NUDCD3: variants seen among roughly 807,000 people sequenced by gnomAD.
NUDCD3 encodes NudC domain containing 3, also known as nudC domain-containing protein 3.
A neutral mutation model predicts 39.7 loss-of-function variants in NUDCD3; 13 were observed. That is an observed-to-expected ratio of 0.33 (90% CI 0.21 to 0.52). The LOEUF is 0.52. Ranked by LOEUF, NUDCD3 falls within the 20% of genes least tolerant of loss-of-function variation. NUDCD3 has a pLI of 0.96. For synonymous variants in NUDCD3, 175 were observed against 172.4 expected, an observed-to-expected ratio of 1.02 and a Z score of -0.12; for missense variants, 453 against 458.1, an observed-to-expected ratio of 0.99 and a Z score of 0.10.
intron 2 of NUDCD3, among the ~76,000 whole-genome samples, chr7:44,476,341 T>C (rs963913302): frequency 3.3e-5 from 5 of 152,196 alleles, no homozygotes; most frequent in Admixed American, 2.6e-4. Flanking sequence ...CCAAAATTCA[T>C]GTTAAAGACC....
intron 2 of NUDCD3, among the ~76,000 whole-genome samples, chr7:44,450,116 T>A (rs1799766087): frequency 6.6e-6 from 1 of 152,086 alleles, no homozygotes. Flanking sequence ...ACATTATTGC[T>A]TATTAGGGAA....
chr7:44,380,038 G>A lies in NUDCD3; in HGVS notation c.*5973C>T, dbSNP rs1294462290. ...GGCAGACAGCGTCCACCACTACCAG[G>A]TCCACCTGCTTTAGGTATACCTTCC... On this transcript the variant is annotated 3_prime_UTR_variant, in exon 6 of 6. Transcript: ENST00000355451. 1 of 152,250 alleles carries A rather than the reference G, an allele frequency of 6.6e-6. No homozygotes were observed. The highest frequency in any genetic ancestry group is 2.4e-5 in the African/African-American group (1 of 41,458). The allele number at this position is 152,250 out of a possible 1,614,324, so 9.4% of individuals were successfully genotyped here.
At chr7:44,410,742 G>A (rs746062343) in intron 3 of NUDCD3, among the ~76,000 whole-genome samples, 2 of 152,014 alleles carry the variant, frequency 1.3e-5, no homozygotes, top group African/African-American at 4.8e-5. Flanking sequence ...GCCGAGGCAG[G>A]CAGATCATGA....
intron 2 of NUDCD3, among the ~76,000 whole-genome samples, chr7:44,483,478 G>A (rs1800538117): frequency 6.6e-6 from 1 of 152,162 alleles, no homozygotes; most frequent in Admixed American, 6.5e-5. Context: ...AGATCTGCAA[G>A]GAAATATCAG....
chr7:44,464,213 CAAA>C (rs776316432), intron 2 of NUDCD3, among the ~76,000 whole-genome samples: 4 of 70,058 alleles, frequency 5.7e-5, no homozygotes. Context: ...GACCCCATCT[CAAA>C]AAAAAAAAAA....
chr7:44,464,701 G>A (rs1351745575), intron 2 of NUDCD3, among the ~76,000 whole-genome samples: 3 of 152,270 alleles, frequency 2.0e-5, no homozygotes, highest in South Asian at 2.1e-4. Flanking sequence ...TAATCTGCCC[G>A]CCTTGGCCTC....
chr7:44,462,983 GTGTGTGTA>G lies in NUDCD3; in HGVS notation c.509+21977_509+21984del, dbSNP rs1461243732. Among the ~76,000 whole-genome samples the G allele has an allele frequency of 3.9e-3, 556 of 143,502 alleles. 9 individuals carry two copies. The highest frequency in any genetic ancestry group is 0.014 in the African/African-American group (511 of 36,782). The allele number at this position is 143,502 out of a possible 152,430, so 94.1% of individuals were successfully genotyped here. On this transcript the variant is annotated intron_variant, in intron 2 of 5. Coordinates refer to ENST00000355451, the MANE Select transcript of NUDCD3 (RefSeq NM_015332.4). ...TGTGTGTGTGTGTGTGTGTGTGTGT[GTGTGTGTA>G]TACACAAAGATACAAAAGATTTATA... is the stretch of plus-strand genomic sequence containing the variant.
chr7:44,419,088 G>A (rs1380322165), intron 3 of NUDCD3, among the ~76,000 whole-genome samples: 4 of 151,892 alleles, frequency 2.6e-5, no homozygotes, highest in Admixed American at 1.3e-4. Context: ...AGACAGAACC[G>A]TTCACTCCCC....
At chr7:44,386,262 G>T in intron 5 of NUDCD3, 141 bp from the exon 6 acceptor site, 1 of 864,016 alleles carries the variant, frequency 1.2e-6, no homozygotes, top group Non-Finnish European at 1.8e-6. Flanking sequence ...GCTGGCCAGA[G>T]AACTGTACTA....
intron 3 of NUDCD3, among the ~76,000 whole-genome samples, chr7:44,405,812 T>A (rs1282335087): frequency 6.6e-6 from 1 of 152,202 alleles, no homozygotes; most frequent in Non-Finnish European, 1.5e-5. Flanking sequence ...TCTTTTTCTT[T>A]AAGAGACACG....
At chr7:44,391,070 T>A (rs1798506055) in intron 5 of NUDCD3, among the ~76,000 whole-genome samples, 1 of 152,028 alleles carries the variant, frequency 6.6e-6, no homozygotes, top group Admixed American at 6.5e-5. Flanking sequence ...TGAAATCAAA[T>A]CAGAGGTCAA....
At chr7:44,466,822 A>T (rs2116957556) in intron 2 of NUDCD3, among the ~76,000 whole-genome samples, 1 of 152,328 alleles carries the variant, frequency 6.6e-6, no homozygotes, top group South Asian at 2.1e-4. Context: ...AGTGGGCAGG[A>T]GGGAGAAAGT....
intron 2 of NUDCD3, chr7:44,468,347 TGCAA>T: frequency 2.0e-6 from 1 of 502,046 alleles, no homozygotes; most frequent in Non-Finnish European, 2.7e-6. Context: ...ATGTAAAAAC[TGCAA>T]AAAAAAAAAA....
intron 1 of NUDCD3, 94 bp downstream of exon 1, chr7:44,490,315 G>C: frequency 8.1e-7 from 1 of 1,237,972 alleles, no homozygotes; most frequent in Non-Finnish European, 1.1e-6. Context: ...AGGAAAAGGA[G>C]GAAACAGGCT....
chr7:44,440,561 C>A (rs1274361478), intron 2 of NUDCD3, among the ~76,000 whole-genome samples: 1 of 114,134 alleles, frequency 8.8e-6, no homozygotes. Flanking sequence ...TTTTTTTTTT[C>A]GATTTTTCTG....
In NUDCD3 at chr7:44,484,833, G is replaced by C. The variant is rs148180004; in HGVS notation, c.509+135C>G. ...ATAACTGAAAGACTGTAATGCAGCA[G>C]TTTACAAACATGAAGAGCTAAATAA... On this transcript the variant is annotated intron_variant, in intron 2 of 5. Coordinates refer to ENST00000355451, the MANE Select transcript of NUDCD3 (RefSeq NM_015332.4). The C allele has an allele frequency of 1.7e-4, 127 of 725,770 alleles. No homozygotes were observed. In the African/African-American group the frequency reaches 2.0e-3, roughly 12 times the overall value. The allele number at this position is 725,770 out of a possible 1,614,324, so 45.0% of individuals were successfully genotyped here.
intron 2 of NUDCD3, chr7:44,471,642 A>G (rs915468733): frequency 1.3e-5 from 2 of 152,306 alleles, no homozygotes; most frequent in Non-Finnish European, 2.9e-5. Context: ...AAGTGTTTAC[A>G]GCCACCACTC....
chr7:44,456,051 CAAAAAAACA>C lies in NUDCD3; in HGVS notation c.510-28357_510-28349del, dbSNP rs1563182602. 3.4e-4 allele frequency among the ~76,000 whole-genome samples: 36 copies of C among 104,770 alleles called. 1 individual carries two copies. Among genetic ancestry groups the C allele is most frequent in the Admixed American group, 6.3e-4 (6 of 9,594 alleles). 68.7% of individuals were successfully genotyped at this position (104,770 alleles called of 152,430 possible). On this transcript the variant is annotated intron_variant, in intron 2 of 5. Transcript: ENST00000355451. ...AAAAAAAAAAAAAAAAAAAAAAAAA[CAAAAAAACA>C]AACAACAATAACAATCACTTCCAGA...
chr7:44,442,414 G>A (rs1015151350), intron 2 of NUDCD3, among the ~76,000 whole-genome samples: 14 of 152,168 alleles, frequency 9.2e-5, no homozygotes, highest in African/African-American at 3.1e-4. Context: ...CTGTTTGGGG[G>A]CACCAGCATG....
Sources: gnomAD v4.1 joint callset for allele counts (sites outside exome capture counted in the v4.1 genomes callset) on GRCh38, gnomAD v4.1.1 for gene constraint, MANE v1.5 for transcripts, NCBI Gene and HGNC (gene_info 2026-07-23, HGNC 2026-07-21) for gene names.